The following ARL13B variants were observed in gnomAD, a reference collection of about 807,000 sequenced individuals.
The protein encoded by ARL13B is ARF like GTPase 13B.
In ARL13B, 36 loss-of-function variants were observed where a neutral mutation model predicts 56.1. The ratio of observed to expected loss-of-function variants is 0.64; its 90% CI spans 0.49 to 0.85. The LOEUF is 0.85. Ranked by LOEUF, ARL13B falls within the 40% of genes least tolerant of loss-of-function variation. The pLI is 0.00. For synonymous variants in ARL13B, 178 were observed against 171.1 expected, an observed-to-expected ratio of 1.04 and a Z score of -0.32; for missense variants, 519 against 507.1, an observed-to-expected ratio of 1.02 and a Z score of -0.23.
intron 3 of ARL13B, among the ~76,000 whole-genome samples, chr3:94,032,248 A>G (rs1341656364): frequency 1.3e-5 from 2 of 152,206 alleles, no homozygotes; most frequent in East Asian, 3.8e-4. Flanking sequence ...AAAGACATGA[A>G]TAGTCATTTT....
At chr3:94,027,310 C>A (rs925023192) in intron 3 of ARL13B, among the ~76,000 whole-genome samples, 3 of 151,950 alleles carry the variant, frequency 2.0e-5, no homozygotes, top group African/African-American at 7.2e-5. Context: ...AAAAAAATTG[C>A]AAATTGCATA....
At chr3:93,995,450 A>G (rs771562562) in intron 1 of ARL13B, among the ~76,000 whole-genome samples, 10 of 152,278 alleles carry the variant, frequency 6.6e-5, no homozygotes, top group Admixed American at 1.3e-4. Context: ...TATATTTGGT[A>G]AGATGCTACA....
chr3:94,035,310 A>T (rs912261238), intron 3 of ARL13B, 21 bp from the exon 4 acceptor site: 1 of 1,491,046 alleles, frequency 6.7e-7, no homozygotes, highest in Non-Finnish European at 9.3e-7. Flanking sequence ...GCTGTATAAA[A>T]GTACTTTAAT....
At chr3:93,984,700 G>C (rs1052402744) in intron 1 of ARL13B, among the ~76,000 whole-genome samples, 6 of 152,118 alleles carry the variant, frequency 3.9e-5, no homozygotes, top group African/African-American at 1.4e-4. Context: ...TCAACTTTTT[G>C]TGCTTTTTAA....
chr3:93,989,354 C>A (rs1191436206), intron 1 of ARL13B, among the ~76,000 whole-genome samples: 3 of 152,022 alleles, frequency 2.0e-5, no homozygotes, highest in African/African-American at 4.8e-5. Context: ...TTGATACAGG[C>A]ACTACAGAGC....
chr3:94,025,629 C>T (rs2076541017), intron 3 of ARL13B, among the ~76,000 whole-genome samples: 1 of 152,156 alleles, frequency 6.6e-6, no homozygotes, highest in African/African-American at 2.4e-5. Flanking sequence ...CAAGAATGCT[C>T]TGAGTGTCCT....
chr3:93,985,304 C>T (rs910474434), intron 1 of ARL13B, among the ~76,000 whole-genome samples: 1 of 152,154 alleles, frequency 6.6e-6, no homozygotes. Flanking sequence ...CTTACACATT[C>T]TCATCTACAG....
At chr3:93,993,221 G>A (rs1160637523) in intron 1 of ARL13B, among the ~76,000 whole-genome samples, 3 of 152,062 alleles carry the variant, frequency 2.0e-5, no homozygotes, top group African/African-American at 4.8e-5. Flanking sequence ...TGCCTCCTGC[G>A]TTCAAGCGAT....
chr3:94,051,400 G>C (rs933983133), intron 9 of ARL13B, among the ~76,000 whole-genome samples: 3 of 152,052 alleles, frequency 2.0e-5, no homozygotes, highest in Admixed American at 2.0e-4. Flanking sequence ...AATAAAGTTC[G>C]ACTAAGTAGA....
chr3:93,995,373 C>A (rs2075948807), intron 1 of ARL13B, among the ~76,000 whole-genome samples: 1 of 151,668 alleles, frequency 6.6e-6, no homozygotes, highest in Non-Finnish European at 1.5e-5. Flanking sequence ...ATATTTTAAA[C>A]TTTACAATTA....
chr3:94,013,913 C>G (rs534294188), intron 3 of ARL13B, among the ~76,000 whole-genome samples: 1 of 152,282 alleles, frequency 6.6e-6, no homozygotes, highest in South Asian at 2.1e-4. Flanking sequence ...TGCCACTGCA[C>G]TCCAGCCTGG....
At chr3:94,043,743 C>T (rs1454498587) in intron 7 of ARL13B, among the ~76,000 whole-genome samples, 1 of 130,474 alleles carries the variant, frequency 7.7e-6, no homozygotes, top group Non-Finnish European at 1.6e-5. Context: ...CTGCAACCTC[C>T]CTGCCTCGGG....
At chr3:94,012,197 A>G (rs752607825) in intron 3 of ARL13B, among the ~76,000 whole-genome samples, 1 of 152,098 alleles carries the variant, frequency 6.6e-6, no homozygotes, top group African/African-American at 2.4e-5. Context: ...CACCTTACAT[A>G]GCATTTATTT....
At chr3:93,993,640 A>G (rs1234582813) in intron 1 of ARL13B, among the ~76,000 whole-genome samples, 4 of 152,284 alleles carry the variant, frequency 2.6e-5, no homozygotes, top group East Asian at 1.9e-4. Flanking sequence ...GTCATTTACT[A>G]TATTTTGTTT....
At chr3:94,013,040 C>A (rs571624854) in intron 3 of ARL13B, among the ~76,000 whole-genome samples, 1 of 152,122 alleles carries the variant, frequency 6.6e-6, no homozygotes, top group South Asian at 2.1e-4. Flanking sequence ...TTAACCTCAT[C>A]TCATATCTCA....
At chr3:94,032,672 A>G (rs1023077774) in intron 3 of ARL13B, among the ~76,000 whole-genome samples, 7 of 151,810 alleles carry the variant, frequency 4.6e-5, no homozygotes, top group African/African-American at 1.7e-4. Flanking sequence ...AGTTTTTTGT[A>G]TTTTTAGTAG....
intron 3 of ARL13B, among the ~76,000 whole-genome samples, chr3:94,027,576 A>G (rs1415114427): frequency 1.3e-5 from 2 of 152,108 alleles, no homozygotes; most frequent in Non-Finnish European, 2.9e-5. Flanking sequence ...TACGTGGCCA[A>G]TTCTCAAGTC....
intron 3 of ARL13B, among the ~76,000 whole-genome samples, chr3:94,010,756 T>A (rs2076210475): frequency 6.6e-6 from 1 of 152,058 alleles, no homozygotes; most frequent in Non-Finnish European, 1.5e-5. Flanking sequence ...TGTGCTTAAG[T>A]CTTGCTTTAA....
At chr3:94,045,293 G>T (rs1332115232) in intron 7 of ARL13B, among the ~76,000 whole-genome samples, 1 of 151,896 alleles carries the variant, frequency 6.6e-6, no homozygotes, top group Non-Finnish European at 1.5e-5. Flanking sequence ...AGTACCCAGG[G>T]ACACAAACAC....
Sources: gnomAD v4.1 joint callset for allele counts (sites outside exome capture counted in the v4.1 genomes callset) on GRCh38, gnomAD v4.1.1 for gene constraint, MANE v1.5 for transcripts, NCBI Gene and HGNC (gene_info 2026-07-23, HGNC 2026-07-21) for gene names.